The following HIP1 variants were observed in gnomAD, a reference collection of about 807,000 sequenced individuals.
HIP1 encodes huntingtin-interacting protein 1.
Under a neutral mutation model 147.6 loss-of-function variants are expected in HIP1, and 65 were observed. The ratio of observed to expected loss-of-function variants is 0.44; its 90% CI spans 0.36 to 0.54. The LOEUF is 0.54. Among genes scored for constraint, HIP1 ranks in the 20% least tolerant of loss-of-function variants. The pLI, the probability that HIP1 is intolerant of heterozygous loss-of-function variation, is 0.00. For synonymous variants in HIP1, 479 were observed against 504.0 expected, an observed-to-expected ratio of 0.95 and a Z score of 0.67; for missense variants, 1,061 against 1,299.6, an observed-to-expected ratio of 0.82 and a Z score of 2.82.
rs1276084310 is a variant in HIP1, at chr7:75,664,059, CATATATGTGTATAT to C, written c.121-64826_121-64813del. 9.9e-3 allele frequency among the ~76,000 whole-genome samples: 629 copies of C among 63,462 alleles called. 51 individuals carry two copies. Among genetic ancestry groups the C allele is most frequent in the Admixed American group, 0.014 (72 of 5,292 alleles). 41.6% of individuals were successfully genotyped at this position (63,462 alleles called of 152,430 possible). The stretch of plus-strand genomic sequence containing the variant: ...ATATACACATATATGTGTATATACA[CATATATGTGTATAT>C]ACACACACATATACACACATATGTG... On this transcript the variant is annotated intron_variant, in intron 1 of 30. Coordinates refer to ENST00000336926, the MANE Select transcript of HIP1 (RefSeq NM_005338.7).
intron 1 of HIP1, among the ~76,000 whole-genome samples, chr7:75,696,315 G>C (rs1380840437): frequency 6.6e-6 from 1 of 152,066 alleles, no homozygotes; most frequent in Non-Finnish European, 1.5e-5. Context: ...TTTCCAAAAT[G>C]TGTTAAAATA....
chr7:75,738,792 C>T lies in HIP1; in HGVS notation c.120+9G>A, dbSNP rs111778729. The T allele has an allele frequency of 0.052, 83,826 of 1,600,126 alleles. 2,495 individuals carry two copies. The highest frequency in any genetic ancestry group is 0.089 in the Middle Eastern group (538 of 6,048). ...GCCCCAGGGATGCCCCGGGGTCCCC[C>T]GTCCTCACCTGAGTCCGCTCGAAGC... On this transcript the variant is annotated intron_variant, in intron 1 of 30. Coordinates refer to ENST00000336926, the MANE Select transcript of HIP1 (RefSeq NM_005338.7).
chr7:75,583,543 G>A (rs1281589913), intron 5 of HIP1, among the ~76,000 whole-genome samples: 2 of 151,976 alleles, frequency 1.3e-5, no homozygotes, highest in Non-Finnish European at 2.9e-5. Flanking sequence ...TCCTGATTAC[G>A]TTGCTTACAT....
At chr7:75,652,083 A>G (rs1043077050) in intron 1 of HIP1, among the ~76,000 whole-genome samples, 1 of 151,776 alleles carries the variant, frequency 6.6e-6, no homozygotes, top group Non-Finnish European at 1.5e-5. Context: ...TGGGAGGCCA[A>G]GGCAGGTGGA....
intron 1 of HIP1, among the ~76,000 whole-genome samples, chr7:75,725,824 ATTTTT>A (rs60855107): frequency 7.3e-6 from 1 of 136,556 alleles, no homozygotes; most frequent in Non-Finnish European, 1.5e-5. Context: ...TGTGCTATGC[ATTTTT>A]TTTTTTTTTT....
chr7:75,635,928 TAGGG>T (rs1798409712), intron 1 of HIP1, among the ~76,000 whole-genome samples: 1 of 141,516 alleles, frequency 7.1e-6, no homozygotes, highest in African/African-American at 2.7e-5. Context: ...GAGGCTGAGG[TAGGG>T]AGGATCACTT....
In HIP1 at chr7:75,541,914, C is replaced by G; in HGVS notation, c.2952+5G>C. ...GCTATCTAGACTTACAGATGGAGCT[C>G]TCACCTGAGAATCCATCTCTTGGCG... On this transcript the variant is annotated splice_donor_5th_base_variant and intron_variant, in intron 29 of 30. Coordinates refer to ENST00000336926, the MANE Select transcript of HIP1 (RefSeq NM_005338.7). 1.2e-6 allele frequency: 2 copies of G among 1,604,782 alleles called. No individual in the cohort carries two copies. The highest frequency in any genetic ancestry group is 1.7e-6 in the Non-Finnish European group (2 of 1,171,476).
intron 1 of HIP1, among the ~76,000 whole-genome samples, chr7:75,617,298 T>C (rs1180550053): frequency 1.3e-5 from 2 of 151,930 alleles, no homozygotes; most frequent in African/African-American, 4.8e-5. Flanking sequence ...AGGCTGGTCT[T>C]GAACTCCTGA....
chr7:75,544,851 T>C (rs782778684), intron 26 of HIP1, 51 bp from the exon 27 acceptor site: 1 of 1,134,380 alleles, frequency 8.8e-7, no homozygotes, highest in Non-Finnish European at 1.3e-6. Context: ...GAGCTGCAAC[T>C]CCTCCACAAT....
intron 25 of HIP1, among the ~76,000 whole-genome samples, chr7:75,545,623 C>T (rs1261169108): frequency 6.7e-6 from 1 of 148,890 alleles, no homozygotes; most frequent in Non-Finnish European, 1.5e-5. Context: ...GCCTGAGCAA[C>T]AGAGCGAGAT....
chr7:75,664,033 T>C lies in HIP1; in HGVS notation c.121-64786A>G, dbSNP rs1554514088. ...ATATATATACACATATATGTGTATATATATACACATATATGTGTATATACA... is the reference window on the plus strand; with the variant it reads ...ATATATATACACATATATGTGTATACATATACACATATATGTGTATATACA... On this transcript the variant is annotated intron_variant, in intron 1 of 30. Transcript: ENST00000336926. 1.2e-4 allele frequency among the ~76,000 whole-genome samples: 5 copies of C among 41,746 alleles called. 1 individual carries two copies. The highest frequency in any genetic ancestry group is 1.7e-4 in the African/African-American group (2 of 11,472). The allele number at this position is 41,746 out of a possible 152,430, so 27.4% of individuals were successfully genotyped here.
At chr7:75,543,838 C>T (rs1383668089) in intron 27 of HIP1, among the ~76,000 whole-genome samples, 3 of 152,240 alleles carry the variant, frequency 2.0e-5, no homozygotes, top group Admixed American at 1.3e-4. Context: ...TGTGGCACAC[C>T]TGGGTACAGA....
chr7:75,585,038 G>A lies in HIP1; in HGVS notation c.465+1715C>T, dbSNP rs185610129. On this transcript the variant is annotated intron_variant, in intron 5 of 30. Transcript: ENST00000336926. Reference sequence around the variant, plus strand: ...TAATTTTTGTGTTTTTAGTAGAGATGGGGGTTTCACTATGTTGGTCAGGCT... The same window carrying A: ...TAATTTTTGTGTTTTTAGTAGAGATAGGGGTTTCACTATGTTGGTCAGGCT... Among the ~76,000 whole-genome samples the A allele has an allele frequency of 4.9e-3, 745 of 151,578 alleles. 5 individuals carry two copies. The highest frequency in any genetic ancestry group is 0.017 in the African/African-American group (712 of 41,316).
intron 29 of HIP1, among the ~76,000 whole-genome samples, chr7:75,540,770 T>C (rs1470551826): frequency 6.6e-6 from 1 of 152,160 alleles, no homozygotes; most frequent in Non-Finnish European, 1.5e-5. Context: ...TATGACTTTA[T>C]AGAACAACAG....
At chr7:75,638,091 G>T (rs1329489474) in intron 1 of HIP1, among the ~76,000 whole-genome samples, 1 of 139,260 alleles carries the variant, frequency 7.2e-6, no homozygotes, top group Admixed American at 7.9e-5. Flanking sequence ...CCCAAGACCC[G>T]CCTGACACAC....
In HIP1 at chr7:75,695,291, G is replaced by C. The variant is rs141254539; in HGVS notation, c.120+43510C>G. ...GCAGGCTTTTTTTTCTGAGACCTTG[G>C]TGGTTTCTGCAGAGACGTATCCTCT... On this transcript the variant is annotated intron_variant, in intron 1 of 30. Transcript: ENST00000336926. Among the ~76,000 whole-genome samples the C allele has an allele frequency of 2.4e-3, 360 of 152,242 alleles. 3 individuals are homozygous for C. The highest frequency in any genetic ancestry group is 8.2e-3 in the African/African-American group (339 of 41,558).
intron 1 of HIP1, among the ~76,000 whole-genome samples, chr7:75,691,183 A>G (rs1800441437): frequency 6.6e-6 from 1 of 151,744 alleles, no homozygotes; most frequent in Non-Finnish European, 1.5e-5. Context: ...GTGTGATTCC[A>G]TTTACATAAA....
At chr7:75,706,473 C>CTTTT (rs139655610) in intron 1 of HIP1, among the ~76,000 whole-genome samples, 52 of 138,102 alleles carry the variant, frequency 3.8e-4, no homozygotes, top group African/African-American at 9.6e-4. Context: ...TATATATCTT[C>CTTTT]TTTTTTTTTA....
rs1794140900 is a variant in HIP1 at position 75,537,751 on chromosome 7, A to G, written c.*421T>C. 7.8e-6 allele frequency: 2 copies of G among 256,286 alleles called. No homozygotes were observed. Among genetic ancestry groups the G allele is most frequent in the Admixed American group, 5.0e-5 (1 of 20,028 alleles). The allele number at this position is 256,286 out of a possible 1,614,324, so 15.9% of individuals were successfully genotyped here. On this transcript the variant is annotated 3_prime_UTR_variant, in exon 31 of 31. Transcript: ENST00000336926. ...TGAAAAGACTGAGAAGAAAACAGAAAAGAAAAGGCATAAGATCTTCCCTTT... is the reference window on the plus strand; with the variant it reads ...TGAAAAGACTGAGAAGAAAACAGAAGAGAAAAGGCATAAGATCTTCCCTTT...
Sources: gnomAD v4.1 joint callset for allele counts (sites outside exome capture counted in the v4.1 genomes callset) on GRCh38, gnomAD v4.1.1 for gene constraint, MANE v1.5 for transcripts, NCBI Gene and HGNC (gene_info 2026-07-23, HGNC 2026-07-21) for gene names.